The following CPNE4 variants were observed in gnomAD, a reference collection of about 807,000 sequenced individuals.
CPNE4 encodes the protein copine 4.
Under a neutral mutation model 67.9 loss-of-function variants are expected in CPNE4, and 25 were observed. The observed-to-expected ratio is 0.37, with a 90% CI of 0.27 to 0.51. The LOEUF is 0.51. Among genes scored for constraint, CPNE4 ranks in the 20% least tolerant of loss-of-function variants. CPNE4 has a pLI of 0.93. For missense variants in CPNE4, 464 were observed against 690.8 expected (o/e 0.67, Z 3.68); for synonymous variants, 242 against 244.9 (o/e 0.99, Z 0.11).
At chr3:131,857,245 A>G (rs1206140305) in intron 2 of CPNE4, among the ~76,000 whole-genome samples, 2 of 152,040 alleles carry the variant, frequency 1.3e-5, no homozygotes, top group African/African-American at 4.8e-5. Context: ...CTTTAGGCCA[A>G]TGCGTATCAT....
chr3:131,580,634 A>G (rs1937765945), intron 9 of CPNE4, among the ~76,000 whole-genome samples: 1 of 152,142 alleles, frequency 6.6e-6, no homozygotes, highest in East Asian at 1.9e-4. Context: ...CATAACCTCA[A>G]TTGAAAGTAG....
At chr3:132,012,217 G>A (rs1458209249) in intron 1 of CPNE4, among the ~76,000 whole-genome samples, 3 of 142,912 alleles carry the variant, frequency 2.1e-5, no homozygotes, top group African/African-American at 5.2e-5. Flanking sequence ...CACCCAGGCC[G>A]GAGTTCAGTG....
At chr3:131,844,799 T>C (rs1379397971) in intron 2 of CPNE4, among the ~76,000 whole-genome samples, 1 of 152,214 alleles carries the variant, frequency 6.6e-6, no homozygotes, top group East Asian at 1.9e-4. Flanking sequence ...AGAACCTATA[T>C]ACATAGCCAC....
At chr3:131,816,491 A>AGCAGTTTTCTTCTCAGATGAAAACT in intron 2 of CPNE4, among the ~76,000 whole-genome samples, 1 of 152,300 alleles carries the variant, frequency 6.6e-6, no homozygotes, top group Non-Finnish European at 1.5e-5. Flanking sequence ...AGGAAATACG[A>AGCAGTTTTCTTCTCAGATGAAAACT]GCAGTTTTCT....
chr3:131,942,308 G>T (rs1362253428), intron 1 of CPNE4, among the ~76,000 whole-genome samples: 1 of 151,984 alleles, frequency 6.6e-6, no homozygotes, highest in African/African-American at 2.4e-5. Flanking sequence ...AGCACAAAGT[G>T]ACCATTGTGA....
chr3:131,611,027 C>T (rs892138469), intron 7 of CPNE4, among the ~76,000 whole-genome samples: 2 of 152,110 alleles, frequency 1.3e-5, no homozygotes, highest in East Asian at 1.9e-4. Flanking sequence ...TTTCTTTAAC[C>T]TTTATGTCCG....
At position 131,535,140 on chromosome 3, in the gene CPNE4, T is replaced by C. The variant is rs1033555100; in HGVS notation, c.*55A>G. On this transcript the variant is annotated 3_prime_UTR_variant, in exon 16 of 16. Coordinates refer to ENST00000429747, the MANE Select transcript of CPNE4 (RefSeq NM_130808.3). ...GTACAGGAGTAGTAGAAGTATTAAA[T>C]ATGAAATATTAGCAGGAATAGTATT... 1.5e-5 allele frequency: 23 copies of C among 1,508,582 alleles called. No individual in the cohort carries two copies. Among genetic ancestry groups the C allele is most frequent in the Non-Finnish European group, 1.7e-5 (19 of 1,117,554 alleles). 93.4% of individuals were successfully genotyped at this position (1,508,582 alleles called of 1,614,324 possible).
intron 13 of CPNE4, among the ~76,000 whole-genome samples, chr3:131,551,056 T>C (rs1249953173): frequency 6.6e-6 from 1 of 152,126 alleles, no homozygotes; most frequent in South Asian, 2.1e-4. Context: ...CTTATCCTTC[T>C]ATCCCTTTCT....
At chr3:131,609,386 T>A (rs1303589714) in intron 7 of CPNE4, among the ~76,000 whole-genome samples, 1 of 152,166 alleles carries the variant, frequency 6.6e-6, no homozygotes, top group East Asian at 1.9e-4. Flanking sequence ...GTCAAGGGAA[T>A]GTGATGTGTT....
chr3:131,547,984 G>C (rs151050030), intron 14 of CPNE4, among the ~76,000 whole-genome samples: 17 of 152,256 alleles, frequency 1.1e-4, no homozygotes, highest in Admixed American at 9.2e-4. Context: ...TTCCCTTGTA[G>C]GAATTGCTCA....
chr3:131,849,031 A>G (rs1036188633), intron 2 of CPNE4, among the ~76,000 whole-genome samples: 8 of 150,738 alleles, frequency 5.3e-5, no homozygotes, highest in African/African-American at 2.0e-4. Context: ...GCCCAACCAA[A>G]GTTGGTACAG....
intron 1 of CPNE4, among the ~76,000 whole-genome samples, chr3:131,931,304 T>C (rs1260332781): frequency 6.6e-6 from 1 of 152,152 alleles, no homozygotes; most frequent in Non-Finnish European, 1.5e-5. Flanking sequence ...AAGACAAAAT[T>C]GGTAAACCCA....
intron 2 of CPNE4, among the ~76,000 whole-genome samples, chr3:131,756,602 C>A (rs112668872): frequency 6.6e-6 from 1 of 152,198 alleles, no homozygotes; most frequent in Non-Finnish European, 1.5e-5. Flanking sequence ...CAGGAGATGG[C>A]AAGAGAGGAT....
At chr3:132,012,157 TTTC>T (rs981423402) in intron 1 of CPNE4, among the ~76,000 whole-genome samples, 1 of 143,968 alleles carries the variant, frequency 6.9e-6, no homozygotes, top group African/African-American at 2.5e-5. Context: ...CCAGTAAAGC[TTTC>T]TTTTGCTTTT....
intron 1 of CPNE4, among the ~76,000 whole-genome samples, chr3:131,923,763 C>T (rs1192770940): frequency 1.5e-5 from 2 of 134,590 alleles, no homozygotes; most frequent in African/African-American, 5.5e-5. Flanking sequence ...TCCAACAGAA[C>T]CAAAGAGGGG....
In CPNE4 at chr3:131,565,816, T is replaced by C. The variant is rs547854029; in HGVS notation, c.928-1467A>G. On this transcript the variant is annotated intron_variant, in intron 10 of 15. Coordinates refer to ENST00000429747, the MANE Select transcript of CPNE4 (RefSeq NM_130808.3). ...CTGATAAATGCTAGTACTAAGAGTA[T>C]GTAAAAAAAAAAAAAAAAAGGTTAT... 2.3e-3 allele frequency among the ~76,000 whole-genome samples: 282 copies of C among 121,714 alleles called. 1 individual carries two copies. The highest frequency in any genetic ancestry group is 3.2e-3 in the Non-Finnish European group (204 of 63,288). The allele number at this position is 121,714 out of a possible 152,430, so 79.8% of individuals were successfully genotyped here.
chr3:131,905,953 T>C (rs2088732266), intron 1 of CPNE4, among the ~76,000 whole-genome samples: 1 of 152,150 alleles, frequency 6.6e-6, no homozygotes. Flanking sequence ...CTTCTCAAAA[T>C]GCTCTCAGCA....
intron 2 of CPNE4, among the ~76,000 whole-genome samples, chr3:131,834,098 A>T (rs1454403713): frequency 6.6e-6 from 1 of 152,242 alleles, no homozygotes; most frequent in Admixed American, 6.5e-5. Context: ...ATATTTTGAA[A>T]AGATGGCAAT....
chr3:131,981,666 G>C (rs190613438), intron 1 of CPNE4, among the ~76,000 whole-genome samples: 4 of 152,278 alleles, frequency 2.6e-5, no homozygotes, highest in Non-Finnish European at 4.4e-5. Flanking sequence ...GCTTCTCCCC[G>C]TGTAGTTTTA....
Sources: allele counts gnomAD v4.1 joint callset (sites outside exome capture counted in the v4.1 genomes callset), GRCh38; gene constraint gnomAD v4.1.1; transcripts MANE v1.5; gene names NCBI Gene and HGNC (gene_info 2026-07-23, HGNC 2026-07-21).